Variants in LARP7 observed in about 807,000 individuals in gnomAD.
The protein encoded by LARP7 is La ribonucleoprotein 7, transcriptional regulator, also known as la-related protein 7.
A neutral mutation model predicts 69.3 loss-of-function variants in LARP7; 52 were observed. That is an observed-to-expected ratio of 0.75 (90% CI 0.60 to 0.95). The LOEUF (loss-of-function observed/expected upper bound fraction) is 0.95. Ranked by LOEUF, LARP7 falls within the 40% of genes least tolerant of loss-of-function variation. LARP7 has a pLI of 0.00. For missense variants in LARP7, 733 were observed against 673.0 expected (o/e 1.09, Z -0.99); for synonymous variants, 254 against 215.9 (o/e 1.18, Z -1.55).
chr4:112,653,603 G>GCCTCC (rs1192925590), intron 11 of LARP7, among the ~76,000 whole-genome samples: 1 of 152,154 alleles, frequency 6.6e-6, no homozygotes, highest in East Asian at 1.9e-4. Context: ...TCCTGCCTCA[G>GCCTCC]CCTCCCAGGT....
At chr4:112,650,735 T>G in intron 10 of LARP7, among the ~76,000 whole-genome samples, 153 bp downstream of exon 10, 1 of 152,232 alleles carries the variant, frequency 6.6e-6, no homozygotes, top group East Asian at 1.9e-4. Context: ...ATGGTAACTC[T>G]TAGGTTTAAT....
chr4:112,646,488 TTTATAA>T lies in LARP7; in HGVS notation c.303+44_303+49del, dbSNP rs757320103. ...GAATAACTACTGTTTATATTTATAG[TTTATAA>T]TTATAAAGAATGTTAACGTAATGAT... On this transcript the variant is annotated intron_variant, in intron 3 of 12. Transcript: ENST00000344442. The T allele has an allele frequency of 2.9e-5, 38 of 1,311,292 alleles. No homozygotes were observed. The African/African-American group carries it at 3.6e-4, about 12-fold the overall frequency. The allele number at this position is 1,311,292 out of a possible 1,614,324, so 81.2% of individuals were successfully genotyped here. A position where few individuals can be genotyped will look rare whatever the true frequency, so the allele number is the denominator to read the frequency against.
At position 112,647,362 on chromosome 4, in the gene LARP7, G is replaced by T; in HGVS notation, c.810G>T (p.Lys270Asn). ...GSDIESTEPQ[K>N]QCSKKKKKRD... is the part of the protein sequence containing the mutation. ...ACATTGAGTCCACTGAACCCCAAAA[G>T]CAGTGCTCAAAGAAAAAGAAAAAAC... Residue 270 changes from lysine (K) to asparagine (N), a missense_variant, in exon 7 of 13, where the codon AAG becomes AAT. Physicochemically the swap from Lys to Asn is moderately conservative, Grantham distance 94. Coordinates refer to ENST00000344442, the MANE Select transcript of LARP7 (RefSeq NM_016648.4). 1 of 1,613,972 alleles carries T rather than the reference G, an allele frequency of 6.2e-7. No homozygotes were observed.
rs747753883 is a variant in LARP7, at chr4:112,646,970, T to TAAA, written c.552+26_552+28dup. On this transcript the variant is annotated intron_variant, in intron 5 of 12. Coordinates refer to ENST00000344442, the MANE Select transcript of LARP7 (RefSeq NM_016648.4). ...AAGCAATTGAGGTAAGTCCAGATCCTAAAAAAAAAAAAAGAAAGAAAAGAA... is the reference window on the plus strand; with the variant it reads ...AAGCAATTGAGGTAAGTCCAGATCCTAAAAAAAAAAAAAAAAGAAAGAAAAGAA... 15 of 1,384,722 alleles carry TAAA rather than the reference T, an allele frequency of 1.1e-5. No individual in the cohort carries two copies. The highest frequency in any genetic ancestry group is 1.0e-4 in the South Asian group (8 of 76,714). The allele number at this position is 1,384,722 out of a possible 1,614,324, so 85.8% of individuals were successfully genotyped here. A position where few individuals can be genotyped will look rare whatever the true frequency, so the allele number is the denominator to read the frequency against.
chr4:112,647,041 A>C lies in LARP7; in HGVS notation c.560A>C (p.Asn187Thr), dbSNP rs2048317844. The change falls in exon 6 of 13, where the codon AAC becomes ACC. Residue 187 changes from asparagine (N) to threonine (T), a missense_variant. By Grantham distance (65) the Asn-to-Thr change is moderately conservative. Transcript: ENST00000344442. ...CTTTTGCAATCATTTCAGTTTCTTA[A>C]CAACCCACCAGAAGAAGCACCAAGA... ...EQAAKAIEFLNNPPEEAPRKP... is the reference protein window; with the variant it reads ...EQAAKAIEFLTNPPEEAPRKP... 1 of 1,606,278 alleles carries C rather than the reference A, an allele frequency of 6.2e-7. No homozygotes were observed. The highest frequency in any genetic ancestry group is 1.1e-5 in the South Asian group (1 of 88,550).
chr4:112,643,305 G>A (rs578222985), intron 1 of LARP7, among the ~76,000 whole-genome samples: 1 of 152,328 alleles, frequency 6.6e-6, no homozygotes, highest in African/African-American at 2.4e-5. Context: ...GGACCGCACT[G>A]AGGTGACATT....
intron 12 of LARP7, 51 bp from the exon 13 acceptor site, chr4:112,657,196 G>GTGTGTGTGTGTGTA (rs2149291765): frequency 1.2e-6 from 1 of 837,126 alleles, no homozygotes; most frequent in East Asian, 2.7e-5. Context: ...GTGTGTGTGT[G>GTGTGTGTGTGTGTA]TGTGTTTTGA....
At chr4:112,639,415 A>G (rs2047866563) in intron 1 of LARP7, among the ~76,000 whole-genome samples, 1 of 151,758 alleles carries the variant, frequency 6.6e-6, no homozygotes, top group South Asian at 2.1e-4. Flanking sequence ...TATTTTTAGT[A>G]GAGACGTGGT....
intron 8 of LARP7, chr4:112,648,739 T>C (rs2048532091): frequency 4.7e-5 from 14 of 295,698 alleles, no homozygotes; most frequent in South Asian, 4.3e-4. Context: ...TATACTATTC[T>C]TAACTCTTGA....
At position 112,648,265 on chromosome 4, in the gene LARP7, G is replaced by C. The variant is rs1361933511; in HGVS notation, c.1142+431G>C. Reference sequence around the variant, plus strand: ...TTTAAGTGGTGGGGAGCCCAGTCTTGGAAAAAGTTAGAATCCTTTAACCTG... The same window carrying C: ...TTTAAGTGGTGGGGAGCCCAGTCTTCGAAAAAGTTAGAATCCTTTAACCTG... On this transcript the variant is annotated intron_variant, in intron 8 of 12. Coordinates refer to ENST00000344442, the MANE Select transcript of LARP7 (RefSeq NM_016648.4). The C allele has an allele frequency of 1.7e-5, 9 of 529,150 alleles. No individual in the cohort carries two copies. The Admixed American group carries it at 1.8e-4, about 10-fold the overall frequency. 32.8% of individuals were successfully genotyped at this position (529,150 alleles called of 1,614,324 possible). A position where few individuals can be genotyped will look rare whatever the true frequency, so the allele number is the denominator to read the frequency against.
At chr4:112,656,219 A>C (rs2048949214) in intron 12 of LARP7, among the ~76,000 whole-genome samples, 1 of 152,130 alleles carries the variant, frequency 6.6e-6, no homozygotes, top group Admixed American at 6.6e-5. Flanking sequence ...AGCCCGGCCA[A>C]CATATTGAAA....
intron 1 of LARP7, among the ~76,000 whole-genome samples, chr4:112,641,431 G>T (rs180996612): frequency 6.6e-6 from 1 of 152,130 alleles, no homozygotes; most frequent in Admixed American, 6.5e-5. Flanking sequence ...TTTGTGTAAG[G>T]AATTGGCATG....
rs1297658411 is a variant in LARP7 at position 112,646,535 on chromosome 4, G to A, written c.304-53G>A. ...ACGTAATGATTATTATATGATTATA[G>A]CTTACAATTATAAATAATATTAGTT... On this transcript the variant is annotated intron_variant, in intron 3 of 12. Transcript: ENST00000344442. The A allele has an allele frequency of 3.1e-6, 4 of 1,272,786 alleles. No individual in the cohort carries two copies. The African/African-American group carries it at 6.1e-5, about 19-fold the overall frequency. The allele number at this position is 1,272,786 out of a possible 1,614,324, so 78.8% of individuals were successfully genotyped here.
Position 112,654,168 on chromosome 4 carries a change from T to A in LARP7, c.1668+9T>A. ...AAAGAGGCACTGAAAAGGTAATTGA[T>A]TCATTTTTGTTTTTTTAGACTAAAC... is the stretch of plus-strand genomic sequence containing the variant. On this transcript the variant is annotated intron_variant, in intron 12 of 12. Coordinates refer to ENST00000344442, the MANE Select transcript of LARP7 (RefSeq NM_016648.4). The A allele has an allele frequency of 6.2e-7, 1 of 1,607,572 alleles. No homozygotes were observed. Among genetic ancestry groups the A allele is most frequent in the Non-Finnish European group, 8.5e-7 (1 of 1,174,428 alleles).
intron 11 of LARP7, among the ~76,000 whole-genome samples, chr4:112,653,660 T>C (rs1199137285): frequency 6.6e-6 from 1 of 152,172 alleles, no homozygotes; most frequent in East Asian, 1.9e-4. Context: ...TATTTTGCAT[T>C]TTTAATAGAG....
rs2048241435 is a variant in LARP7 at position 112,646,396 on chromosome 4, T to G, written c.248T>G (p.Leu83Trp). Residue 83 changes from leucine to tryptophan, a missense_variant, in exon 3 of 13, where the codon TTG becomes TGG. By Grantham distance (61) the Leu-to-Trp change is moderately conservative. Transcript: ENST00000344442. ...GTGTCTTTTAACAAAATGAAAAAAT[T>G]GACTACTGATGGGAAGTTAATTGCC... ...LLVSFNKMKK[L>W]TTDGKLIARA... is the part of the protein sequence containing the mutation. 6.2e-7 allele frequency: 1 copy of G among 1,604,510 alleles called. No homozygotes were observed. Among genetic ancestry groups the G allele is most frequent in the East Asian group, 2.2e-5 (1 of 44,612 alleles).
In LARP7 at chr4:112,647,292, G is replaced by A. The variant is rs746868176; in HGVS notation, c.740G>A (p.Ser247Asn). 6.2e-7 allele frequency: 1 copy of A among 1,613,960 alleles called. No homozygotes were observed. The highest frequency in any genetic ancestry group is 1.1e-5 in the South Asian group (1 of 91,042). Residue 247 changes from serine to asparagine, a missense_variant, in exon 7 of 13, where the codon AGC becomes AAC. By Grantham distance (46) the Ser-to-Asn change is conservative (BLOSUM62 1). Transcript: ENST00000344442. ...GAAAACATGGACACAAGCAACACCA[G>A]CATCAGTAAAATGAAAAGATCCAGA... ...KEENMDTSNTSISKMKRSRPT... is the reference protein window; with the variant it reads ...KEENMDTSNTNISKMKRSRPT...
intron 8 of LARP7, among the ~76,000 whole-genome samples, chr4:112,648,991 A>G (rs2149274223): frequency 6.6e-6 from 1 of 152,072 alleles, no homozygotes; most frequent in Admixed American, 6.6e-5. Context: ...GATTAGGGTA[A>G]CAATGAGTGC....
At position 112,657,396 on chromosome 4, in the gene LARP7, T is replaced by C. The variant is rs2048999426; in HGVS notation, c.*69T>C. The C allele has an allele frequency of 4.3e-6, 3 of 703,702 alleles. No individual in the cohort carries two copies. In the Admixed American group the frequency reaches 1.0e-4, roughly 24 times the overall value. 43.6% of individuals were successfully genotyped at this position (703,702 alleles called of 1,614,324 possible). On this transcript the variant is annotated 3_prime_UTR_variant, in exon 13 of 13. Transcript: ENST00000344442. ...GCTGTTCTTGGGAGATTCACTTTTATTATGGTAGCACTGCATAATTAATGT... is the reference window on the plus strand; with the variant it reads ...GCTGTTCTTGGGAGATTCACTTTTACTATGGTAGCACTGCATAATTAATGT...
Sources: gnomAD v4.1 joint callset for allele counts (sites outside exome capture counted in the v4.1 genomes callset) on GRCh38, gnomAD v4.1.1 for gene constraint, MANE v1.5 for transcripts, NCBI Gene and HGNC (gene_info 2026-07-23, HGNC 2026-07-21) for gene names.